SNRK: variants seen among roughly 807,000 people sequenced by gnomAD.
SNRK encodes the protein SNF-related serine/threonine-protein kinase.
SNRK carries 3 observed loss-of-function variants against 48.2 expected under a neutral mutation model. That is an observed-to-expected ratio of 0.06 (90% CI 0.03 to 0.16). The LOEUF (loss-of-function observed/expected upper bound fraction) is 0.16, where lower values mean the gene tolerates loss of function less well. SNRK is among the 10% of genes least tolerant of loss of function. The pLI, the probability that SNRK is intolerant of heterozygous loss-of-function variation, is 1.00. For synonymous variants in SNRK, 376 were observed against 366.1 expected, an observed-to-expected ratio of 1.03 and a Z score of -0.31; for missense variants, 627 against 976.0, an observed-to-expected ratio of 0.64 and a Z score of 4.76.
chr3:43,343,601 C>T (rs2091253848), intron 6 of SNRK, 123 bp downstream of exon 6: 1 of 1,077,342 alleles, frequency 9.3e-7, no homozygotes, highest in Non-Finnish European at 1.3e-6. Flanking sequence ...ATGACGGCCT[C>T]ATTGGAGAGG....
intron 3 of SNRK, among the ~76,000 whole-genome samples, chr3:43,317,296 C>T (rs944000523): frequency 6.6e-6 from 1 of 152,110 alleles, no homozygotes; most frequent in Non-Finnish European, 1.5e-5. Context: ...TGTTCTACCA[C>T]AGTTCTCTGA....
In SNRK at chr3:43,309,726, C is replaced by T. The variant is rs115936254; in HGVS notation, c.589+5934C>T. ...TGAACTCCTGGGCTCAAGCAATCCT[C>T]GCACTTCAGCCTCCTGAGTAATTGG... is the stretch of plus-strand genomic sequence containing the variant. On this transcript the variant is annotated intron_variant, in intron 3 of 6. Transcript: ENST00000296088. 4.5e-3 allele frequency among the ~76,000 whole-genome samples: 689 copies of T among 151,928 alleles called. 4 individuals carry two copies. Among genetic ancestry groups the T allele is most frequent in the African/African-American group, 0.016 (661 of 41,426 alleles).
In SNRK at chr3:43,347,749, A is replaced by G. The variant is rs896927852; in HGVS notation, c.1490A>G (p.Asp497Gly). ...NQIFEEGESD[D>G]EFDMDENLPP... ...ATCTTTGAGGAAGGGGAATCTGACG[A>G]TGAGTTTGACATGGATGAGAATCTG... Residue 497 changes from aspartate to glycine, a missense_variant, in exon 7 of 7, where the codon GAT (aspartate) becomes GGT (glycine). Coordinates refer to ENST00000296088, the MANE Select transcript of SNRK (RefSeq NM_017719.5). The surrounding 1 kb of genome is among the most constrained non-coding windows in gnomAD (Gnocchi z 5.4). 1 of 1,614,134 alleles carries G rather than the reference A, an allele frequency of 6.2e-7. No homozygotes were observed.
intron 3 of SNRK, among the ~76,000 whole-genome samples, chr3:43,311,306 G>A (rs1229946373): frequency 6.6e-6 from 1 of 152,118 alleles, no homozygotes; most frequent in Non-Finnish European, 1.5e-5. Flanking sequence ...TTTCCTGTTT[G>A]CAGTGTGCCT....
chr3:43,332,115 T>A lies in SNRK; in HGVS notation c.590-54T>A, dbSNP rs892692698. On this transcript the variant is annotated intron_variant, in intron 3 of 6. Transcript: ENST00000296088. Reference sequence around the variant, plus strand: ...AATAATATTGTTAGCGCACTTTTAATGTTTTTGGTTTTCTAATTAGTCCAA... The same window carrying A: ...AATAATATTGTTAGCGCACTTTTAAAGTTTTTGGTTTTCTAATTAGTCCAA... 9 of 1,286,416 alleles carry A rather than the reference T, an allele frequency of 7.0e-6. No individual in the cohort carries two copies. In the African/African-American group the frequency reaches 1.4e-4, roughly 20 times the overall value. 79.7% of individuals were successfully genotyped at this position (1,286,416 alleles called of 1,614,324 possible). A position where few individuals can be genotyped will look rare whatever the true frequency, so the allele number is the denominator to read the frequency against.
rs568273451 is a variant in SNRK at position 43,326,711 on chromosome 3, A to G, written c.590-5458A>G. On this transcript the variant is annotated intron_variant, in intron 3 of 6. Coordinates refer to ENST00000296088, the MANE Select transcript of SNRK (RefSeq NM_017719.5). Reference sequence around the variant, plus strand: ...AGTAGGGAGTCTGGGATGTCTCCTAAGTTTAGACTGTACCCACCAGGGTAG... The same window carrying G: ...AGTAGGGAGTCTGGGATGTCTCCTAGGTTTAGACTGTACCCACCAGGGTAG... Among the ~76,000 whole-genome samples, 4 of 152,256 alleles carry G rather than the reference A, an allele frequency of 2.6e-5. No individual in the cohort carries two copies. In the South Asian group the frequency reaches 8.3e-4, roughly 32 times the overall value.
rs2091298196 is a variant in SNRK at position 43,348,569 on chromosome 3, T to C, written c.*12T>C. ...GCCATGTCATCTGACTGTGGCCCCA[T>C]CTGGCCGCTAGCACGCTTCCTGCTC... is the stretch of plus-strand genomic sequence containing the variant. On this transcript the variant is annotated 3_prime_UTR_variant, in exon 7 of 7. Coordinates refer to ENST00000296088, the MANE Select transcript of SNRK (RefSeq NM_017719.5). 1 of 1,520,508 alleles carries C rather than the reference T, an allele frequency of 6.6e-7. No individual in the cohort carries two copies. Among genetic ancestry groups the C allele is most frequent in the South Asian group, 1.3e-5 (1 of 75,214 alleles). The allele number at this position is 1,520,508 out of a possible 1,614,324, so 94.2% of individuals were successfully genotyped here. A position where few individuals can be genotyped will look rare whatever the true frequency, so the allele number is the denominator to read the frequency against.
chr3:43,309,880 C>T (rs2090966715), intron 3 of SNRK, among the ~76,000 whole-genome samples: 1 of 151,798 alleles, frequency 6.6e-6, no homozygotes, highest in Non-Finnish European at 1.5e-5. Context: ...AATTTTTTGC[C>T]CGTGACACAG....
At chr3:43,300,841 T>TA (rs1449215692) in intron 2 of SNRK, among the ~76,000 whole-genome samples, 2 of 152,236 alleles carry the variant, frequency 1.3e-5, no homozygotes, top group African/African-American at 2.4e-5. Context: ...CTTAATAGTT[T>TA]AAAAATCTTA....
intron 5 of SNRK, among the ~76,000 whole-genome samples, chr3:43,341,076 T>C (rs958164326): frequency 1.3e-5 from 2 of 152,216 alleles, no homozygotes; most frequent in Non-Finnish European, 2.9e-5. Flanking sequence ...GAGCCCCTGC[T>C]GCAGCCACCT....
rs376290288 is a variant in SNRK, at chr3:43,289,375, A to G, written c.-169+2700A>G. Among the ~76,000 whole-genome samples the G allele has an allele frequency of 8.7e-4, 132 of 152,320 alleles. No homozygotes were observed. In the Middle Eastern group the frequency reaches 0.01, roughly 12 times the overall value. On this transcript the variant is annotated intron_variant, in intron 1 of 6. Transcript: ENST00000296088. ...AAAGGGAGTTGAGAAGGCTGAGACAATGCAACTGTTCTTTCCTTAAAGCAT... is the reference window on the plus strand; with the variant it reads ...AAAGGGAGTTGAGAAGGCTGAGACAGTGCAACTGTTCTTTCCTTAAAGCAT...
At chr3:43,344,820 C>T (rs2091263246) in intron 6 of SNRK, among the ~76,000 whole-genome samples, 1 of 151,968 alleles carries the variant, frequency 6.6e-6, no homozygotes, top group African/African-American at 2.4e-5. Flanking sequence ...GAAAGAGTAA[C>T]CCCAAGGCAG....
intron 4 of SNRK, among the ~76,000 whole-genome samples, chr3:43,338,396 A>G (rs981459411): frequency 4.6e-5 from 7 of 152,222 alleles, no homozygotes; most frequent in African/African-American, 1.7e-4. Flanking sequence ...CTCATGGAAG[A>G]TATTATTCCA....
intron 1 of SNRK, among the ~76,000 whole-genome samples, chr3:43,291,257 T>C (rs1409252608): frequency 6.6e-6 from 1 of 152,216 alleles, no homozygotes; most frequent in Non-Finnish European, 1.5e-5. Flanking sequence ...TTTCAGTTCT[T>C]AGCTCAAACA....
chr3:43,337,574 A>T (rs891941800), intron 4 of SNRK, among the ~76,000 whole-genome samples: 4 of 151,586 alleles, frequency 2.6e-5, no homozygotes, highest in African/African-American at 7.3e-5. Flanking sequence ...TTTTTTTTTT[A>T]ATTTTTTTGT....
Position 43,347,399 on chromosome 3 carries a change from T to A in SNRK, c.1140T>A (p.Thr380=). The A allele has an allele frequency of 6.2e-7, 1 of 1,612,090 alleles. No homozygotes were observed. Among genetic ancestry groups the A allele is most frequent in the Non-Finnish European group, 8.5e-7 (1 of 1,179,038 alleles). ...PQDLEDDLTA[T]PLSHATVPQS... Reference sequence around the variant, plus strand: ...ACCTTGAGGATGACCTCACGGCCACTCCTTTGTCCCACGCGACTGTCCCTC... The same window carrying A: ...ACCTTGAGGATGACCTCACGGCCACACCTTTGTCCCACGCGACTGTCCCTC... The change falls in exon 7 of 7, where the codon ACT becomes ACA. Residue 380 remains threonine, a synonymous_variant. Transcript: ENST00000296088. The surrounding 1 kb of genome is among the most constrained non-coding windows in gnomAD (Gnocchi z 5.4).
At position 43,303,203 on chromosome 3, in the gene SNRK, C is replaced by T. The variant is rs1196013273; in HGVS notation, c.-1C>T. 6.2e-7 allele frequency: 1 copy of T among 1,609,048 alleles called. No individual in the cohort carries two copies. Among genetic ancestry groups the T allele is most frequent in the Non-Finnish European group, 8.5e-7 (1 of 1,176,004 alleles). On this transcript the variant is annotated 5_prime_UTR_variant, in exon 3 of 7. Transcript: ENST00000296088. This position sits in a 1 kb window ranked among gnomAD's most constrained non-coding sequence, Gnocchi z 6.2. Reference sequence around the variant, plus strand: ...AATATTTTTTCTTCTGTTGGACCAGCATGGCAGGATTTAAGCGAGGGTATG... The same window carrying T: ...AATATTTTTTCTTCTGTTGGACCAGTATGGCAGGATTTAAGCGAGGGTATG...
chr3:43,326,601 G>A (rs1424449157), intron 3 of SNRK, among the ~76,000 whole-genome samples: 1 of 152,134 alleles, frequency 6.6e-6, no homozygotes, highest in Non-Finnish European at 1.5e-5. Context: ...GGAAGACCTT[G>A]GGGAAGATGA....
At chr3:43,333,074 A>G (rs1478777563) in intron 4 of SNRK, 1 of 152,076 alleles carries the variant, frequency 6.6e-6, no homozygotes, top group Non-Finnish European at 1.5e-5. Context: ...TTGCCCAAGG[A>G]CTTTTTTTCT....
Sources: gnomAD v4.1 joint callset for allele counts (sites outside exome capture counted in the v4.1 genomes callset) on GRCh38, gnomAD v4.1.1 for gene constraint, Gnocchi (gnomAD v3.1) non-coding constraint, MANE v1.5 for transcripts, NCBI Gene and HGNC (gene_info 2026-07-23, HGNC 2026-07-21) for gene names.